Variants in TRMT44 observed in about 807,000 individuals in gnomAD.
The protein encoded by TRMT44 is probable tRNA (uracil-O(2)-)-methyltransferase.
TRMT44 carries 78 observed loss-of-function variants against 77.3 expected under a neutral mutation model. The observed-to-expected ratio is 1.01, with a 90% CI of 0.84 to 1.22. The LOEUF (loss-of-function observed/expected upper bound fraction) is 1.22, where lower values mean the gene tolerates loss of function less well. Ranked by LOEUF, TRMT44 falls within the 50% of genes most tolerant of loss-of-function variation. The pLI, the probability that TRMT44 is intolerant of heterozygous loss-of-function variation, is 0.00. For missense variants in TRMT44, 1,090 were observed against 964.4 expected, an observed-to-expected ratio of 1.13 and a Z score of -1.73; for synonymous variants, 391 against 383.3, an observed-to-expected ratio of 1.02 and a Z score of -0.23.
intron 1 of TRMT44, 86 bp downstream of exon 1, chr4:8,441,527 C>T: frequency 2.1e-6 from 3 of 1,398,612 alleles, no homozygotes; most frequent in Admixed American, 5.8e-5. Context: ...CCTAAGGGTA[C>T]TAGTTCCTCT....
chr4:8,454,507 T>C (rs946054721), intron 5 of TRMT44: 14 of 584,388 alleles, frequency 2.4e-5, no homozygotes, highest in Admixed American at 1.2e-4. Context: ...ACCACCAGAC[T>C]GGGCTGCAGG....
rs906459524 is a variant in TRMT44, at chr4:8,449,840, T to C, written c.906T>C (p.Tyr302=). 8.5e-6 allele frequency: 13 copies of C among 1,535,512 alleles called. No homozygotes were observed. The highest frequency in any genetic ancestry group is 1.0e-5 in the Non-Finnish European group (12 of 1,146,752). Residue 302 remains tyrosine, a synonymous_variant, in exon 3 of 11, where the codon TAT becomes TAC. Transcript: ENST00000389737. ...TTTCCCTCATCTCCATTATGAAGTA[T>C]AGCAAGGCTTACCAGGAACTTAAAG... ...STLSLISIMK[Y]SKAYQELKEK... is the part of the protein sequence containing the mutation.
In TRMT44 at chr4:8,468,031, G is replaced by C. The variant is rs777660597; in HGVS notation, c.1612G>C (p.Glu538Gln). The change falls in exon 9 of 11, where the codon GAG (glutamate) becomes CAG (glutamine). Residue 538 changes from glutamate (E) to glutamine (Q), a missense_variant. By Grantham distance (29) the Glu-to-Gln change is conservative (BLOSUM62 2). Transcript: ENST00000389737. Reference protein sequence around the residue: ...RGCPVSPPGWELSPSPRWVAA... With the variant: ...RGCPVSPPGWQLSPSPRWVAA... ...CTGCCCTGTAAGCCCACCTGGCTGG[G>C]AGCTTTCCCCTTCTCCACGCTGGGT... 1 of 1,614,030 alleles carries C rather than the reference G, an allele frequency of 6.2e-7. No individual in the cohort carries two copies. The highest frequency in any genetic ancestry group is 1.7e-5 in the Admixed American group (1 of 60,032).
the TRMT44 span, among the ~76,000 whole-genome samples, chr4:8,500,079 A>C: frequency 6.6e-6 from 1 of 152,032 alleles, no homozygotes; most frequent in Non-Finnish European, 1.5e-5. Flanking sequence ...AAAAATTAAA[A>C]ATTAGCTGGG....
chr4:8,506,629 G>T, the TRMT44 span, among the ~76,000 whole-genome samples: 2 of 152,230 alleles, frequency 1.3e-5, no homozygotes, highest in African/African-American at 2.4e-5. Flanking sequence ...TGATGGCTCT[G>T]CCCCAGGGGG....
chr4:8,516,635 T>A, the TRMT44 span, among the ~76,000 whole-genome samples: 19 of 152,096 alleles, frequency 1.2e-4, no homozygotes, highest in South Asian at 3.7e-3. Context: ...AAAAAAATTA[T>A]CTGGGCTTGG....
downstream of TRMT44, chr4:8,477,420 G>C (rs899927084): frequency 6.6e-6 from 1 of 152,262 alleles, no homozygotes. Context: ...GGCGCTCCGT[G>C]GCCCTTTGGG....
At position 8,476,347 on chromosome 4, in the gene TRMT44, G is replaced by T; in HGVS notation, c.*346G>T. 1 of 314,166 alleles carries T rather than the reference G, an allele frequency of 3.2e-6. No individual in the cohort carries two copies. Among genetic ancestry groups the T allele is most frequent in the Non-Finnish European group, 6.0e-6 (1 of 167,918 alleles). The allele number at this position is 314,166 out of a possible 1,614,324, so 19.5% of individuals were successfully genotyped here. A position where few individuals can be genotyped will look rare whatever the true frequency, so the allele number is the denominator to read the frequency against. On this transcript the variant is annotated 3_prime_UTR_variant, in exon 11 of 11. Transcript: ENST00000389737. The stretch of plus-strand genomic sequence containing the variant: ...ACAGGCCCTTCCCAGGGCGCTGTCC[G>T]ACGCCTGCCCCACCATGTCCACATC...
the TRMT44 span, among the ~76,000 whole-genome samples, chr4:8,514,423 G>A: frequency 2.6e-5 from 4 of 151,774 alleles, no homozygotes; most frequent in Admixed American, 6.6e-5. Context: ...ACAGGCGCCC[G>A]CCACCATGCC....
intron 1 of TRMT44, among the ~76,000 whole-genome samples, chr4:8,442,163 G>A (rs1165232401): frequency 6.6e-6 from 1 of 152,176 alleles, no homozygotes; most frequent in East Asian, 1.9e-4. Flanking sequence ...CAGAGCATGG[G>A]AACATCATGA....
At chr4:8,493,756 A>G (rs1728079982), downstream of TRMT44, among the ~76,000 whole-genome samples, 1 of 151,920 alleles carries the variant, frequency 6.6e-6, no homozygotes, top group Non-Finnish European at 1.5e-5. Flanking sequence ...CCTTGCTTTC[A>G]CAGAGGCTGG....
In TRMT44 at chr4:8,489,941, A is replaced by G. The variant is rs188873782; in HGVS notation, n.3892-3325A>G. On this transcript the variant is annotated intron_variant and non_coding_transcript_variant, in intron 2 of 2. Coordinates refer to the TRMT44 transcript ENST00000511366. Reference sequence around the variant, plus strand: ...AGGTTAAAGACATGCAACTTCCCCAATTACTCCTGAAAATAGCATCACTAT... The same window carrying G: ...AGGTTAAAGACATGCAACTTCCCCAGTTACTCCTGAAAATAGCATCACTAT... 1.6e-4 allele frequency among the ~76,000 whole-genome samples: 24 copies of G among 152,268 alleles called. 1 individual carries two copies. The South Asian group carries it at 3.7e-3, about 24-fold the overall frequency.
At chr4:8,480,207 G>T (rs1328068706), downstream of TRMT44, among the ~76,000 whole-genome samples, 4 of 152,204 alleles carry the variant, frequency 2.6e-5, no homozygotes, top group African/African-American at 7.2e-5. Context: ...AGGAGACTGA[G>T]GCAAGTTTCC....
intron 1 of TRMT44, among the ~76,000 whole-genome samples, chr4:8,442,988 A>G (rs1285111649): frequency 4.6e-5 from 7 of 152,164 alleles, no homozygotes; most frequent in African/African-American, 1.7e-4. Flanking sequence ...CATATAATAC[A>G]GTATATTCAC....
chr4:8,516,697 G>C, the TRMT44 span, among the ~76,000 whole-genome samples: 26 of 152,260 alleles, frequency 1.7e-4, no homozygotes, highest in African/African-American at 6.0e-4. Flanking sequence ...AGAAGAGTCT[G>C]AGTCCAAGAG....
intron 2 of TRMT44, among the ~76,000 whole-genome samples, chr4:8,449,003 G>C (rs1725248802): frequency 6.6e-6 from 1 of 152,230 alleles, no homozygotes; most frequent in Non-Finnish European, 1.5e-5. Context: ...CCCAAACGCA[G>C]CCCTTGGACA....
In TRMT44 at chr4:8,467,994, G is replaced by C. The variant is rs771484841; in HGVS notation, c.1575G>C (p.Lys525Asn). The change falls in exon 9 of 11, where the codon AAG becomes AAC. Residue 525 changes from lysine (K) to asparagine (N), a missense_variant. Lys to Asn is a moderately conservative substitution (Grantham distance 94). Transcript: ENST00000389737. ...SVDEKRTQYI[K>N]SRRGCPVSPP... ...ATGAAAAGAGGACTCAGTACATTAA[G>C]AGCAGGCGGGGCTGCCCTGTAAGCC... The C allele has an allele frequency of 2.5e-6, 4 of 1,614,044 alleles. No individual in the cohort carries two copies. Among genetic ancestry groups the C allele is most frequent in the Admixed American group, 3.3e-5 (2 of 60,016 alleles).
intron 2 of TRMT44, among the ~76,000 whole-genome samples, chr4:8,489,273 G>A (rs999248213): frequency 6.6e-6 from 1 of 152,166 alleles, no homozygotes; most frequent in South Asian, 2.1e-4. Context: ...TTAAAAGCCT[G>A]GAAACCTGGC....
chr4:8,489,866 A>T (rs1379036712), intron 2 of TRMT44, among the ~76,000 whole-genome samples: 2 of 152,228 alleles, frequency 1.3e-5, no homozygotes, highest in Non-Finnish European at 2.9e-5. Context: ...GGGGGAGGAG[A>T]GGAGTCCTGC....
Sources: gnomAD v4.1 joint callset for allele counts (sites outside exome capture counted in the v4.1 genomes callset) on GRCh38, gnomAD v4.1.1 for gene constraint, MANE v1.5 for transcripts, NCBI Gene and HGNC (gene_info 2026-07-23, HGNC 2026-07-21) for gene names.